Variants in FAN1 observed in about 807,000 individuals in gnomAD.
FAN1 encodes FANCD2 and FANCI associated nuclease 1, also known as fanconi-associated nuclease 1.
Under a neutral mutation model 104.9 loss-of-function variants are expected in FAN1, and 91 were observed. That is an observed-to-expected ratio of 0.87 (90% CI 0.73 to 1.03). The LOEUF (loss-of-function observed/expected upper bound fraction) is 1.03, where lower values mean the gene tolerates loss of function less well. Among genes scored for constraint, FAN1 ranks in the 50% least tolerant of loss-of-function variants. The probability of loss-of-function intolerance (pLI) is 0.00; values close to 1 mark genes in which losing one functional copy is unlikely to be tolerated. For synonymous variants in FAN1, 478 were observed against 457.6 expected, an observed-to-expected ratio of 1.04 and a Z score of -0.57; for missense variants, 1,263 against 1,239.9, an observed-to-expected ratio of 1.02 and a Z score of -0.28.
chr15:30,926,048 A>AGCATCTTCCACT, intron 10 of FAN1, 109 bp downstream of exon 10: 1 of 1,118,096 alleles, frequency 8.9e-7, no homozygotes, highest in Non-Finnish European at 1.3e-6. Context: ...CTCTGCTCAC[A>AGCATCTTCCACT]GTGGAAGATG....
chr15:30,925,753 C>T, intron 9 of FAN1, 36 bp from the exon 10 acceptor site: 2 of 1,611,500 alleles, frequency 1.2e-6, no homozygotes, highest in Non-Finnish European at 1.7e-6. Context: ...TTTTGCTGAC[C>T]TGAGGCTAAT....
chr15:30,928,520 G>GTGTGTA (rs1179568621), intron 10 of FAN1, 33 bp from the exon 11 acceptor site: 1 of 1,608,164 alleles, frequency 6.2e-7, no homozygotes, highest in South Asian at 1.1e-5. Context: ...GTGTGTGTGT[G>GTGTGTA]TGTGTGTGTG....
At chr15:30,936,591 T>C (rs1272229721) in intron 13 of FAN1, among the ~76,000 whole-genome samples, 1 of 152,246 alleles carries the variant, frequency 6.6e-6, no homozygotes, top group East Asian at 1.9e-4. Flanking sequence ...CTTAGCTACA[T>C]ACAGACGCTT....
chr15:30,905,478 G>C lies in FAN1; in HGVS notation c.815G>C (p.Arg272Thr). Reference sequence around the variant, plus strand: ...TTATTCTCACCAGATTTCACTCTTAGGAATACATTAAAGTCTACTTCAGAA... The same window carrying C: ...TTATTCTCACCAGATTTCACTCTTACGAATACATTAAAGTCTACTTCAGAA... ...IMLFSPDFTL[R>T]NTLKSTSEDS... Residue 272 changes from arginine (R) to threonine (T), a missense_variant, in exon 2 of 15, where the codon AGG becomes ACG. Arg to Thr is a moderately conservative substitution (Grantham distance 71). This residue lies in a region of FAN1 where 682 missense variants were observed against 571.1 expected (regional missense o/e 1.19). Transcript: ENST00000362065. 2 of 1,614,070 alleles carry C rather than the reference G, an allele frequency of 1.2e-6. No individual in the cohort carries two copies. The highest frequency in any genetic ancestry group is 1.7e-5 in the Admixed American group (1 of 60,026).
intron 4 of FAN1, 32 bp downstream of exon 4, chr15:30,910,847 T>G: frequency 6.2e-7 from 1 of 1,601,518 alleles, no homozygotes; most frequent in Non-Finnish European, 8.5e-7. Flanking sequence ...GTAAAAACAT[T>G]TAAAATGTTG....
In FAN1 at chr15:30,942,350, C is replaced by T. The variant is rs376766405; in HGVS notation, c.*788C>T. 30 of 480,804 alleles carry T rather than the reference C, an allele frequency of 6.2e-5. No homozygotes were observed. Among genetic ancestry groups the T allele is most frequent in the South Asian group, 2.6e-4 (9 of 34,530 alleles). 29.8% of individuals were successfully genotyped at this position (480,804 alleles called of 1,614,324 possible). On this transcript the variant is annotated 3_prime_UTR_variant, in exon 15 of 15. Transcript: ENST00000362065. ...ATTTGCTTAAGGATAAGTTCTAAGACGGGCTAGAAAAAACACTAGACCTGG... is the reference window on the plus strand; with the variant it reads ...ATTTGCTTAAGGATAAGTTCTAAGATGGGCTAGAAAAAACACTAGACCTGG...
At chr15:30,911,337 T>A in intron 4 of FAN1, 1 of 985,094 alleles carries the variant, frequency 1.0e-6, no homozygotes, top group Non-Finnish European at 1.2e-6. Context: ...ATTTATATAA[T>A]CAAACTATAT....
intron 10 of FAN1, among the ~76,000 whole-genome samples, chr15:30,926,191 T>C (rs1033890193): frequency 6.6e-6 from 1 of 152,248 alleles, no homozygotes; most frequent in African/African-American, 2.4e-5. Context: ...TGGAAGGTAC[T>C]GCACAAGCCT....
chr15:30,941,455 A>G, intron 14 of FAN1, 111 bp from the exon 15 acceptor site: 2 of 1,585,872 alleles, frequency 1.3e-6, no homozygotes, highest in Non-Finnish European at 1.7e-6. Flanking sequence ...CAAAATGTTC[A>G]GAAAACACCC....
At chr15:30,915,311 G>A (rs112464096) in intron 5 of FAN1, among the ~76,000 whole-genome samples, 230 of 152,328 alleles carry the variant, frequency 1.5e-3, no homozygotes, top group African/African-American at 4.8e-3. Context: ...GGGGAAGGGG[G>A]ATAGGGAAAG....
intron 5 of FAN1, 95 bp from the exon 6 acceptor site, chr15:30,918,069 C>A: frequency 7.7e-7 from 1 of 1,293,412 alleles, no homozygotes; most frequent in Non-Finnish European, 1.1e-6. Flanking sequence ...AAAAAACACA[C>A]TTTTACCTTT....
At chr15:30,934,380 T>A (rs1442954424) in intron 13 of FAN1, among the ~76,000 whole-genome samples, 1 of 152,222 alleles carries the variant, frequency 6.6e-6, no homozygotes, top group Non-Finnish European at 1.5e-5. Context: ...TTAACCTCTG[T>A]CTTTTAATGG....
intron 14 of FAN1, chr15:30,941,211 G>GCAGA: frequency 7.2e-7 from 1 of 1,379,968 alleles, no homozygotes. Flanking sequence ...CAAAAATGTA[G>GCAGA]CAGACAACAT....
rs1595900437 is a variant in FAN1 at position 30,940,991 on chromosome 15, C to T, written c.*4-575C>T. ...AAATTCTGGCCCCAGAACACTGAACCTTCATCAGGTGAGTTCAATTAGAGA... is the reference window on the plus strand; with the variant it reads ...AAATTCTGGCCCCAGAACACTGAACTTTCATCAGGTGAGTTCAATTAGAGA... On this transcript the variant is annotated intron_variant, in intron 14 of 14. Transcript: ENST00000362065. 18 of 1,135,376 alleles carry T rather than the reference C, an allele frequency of 1.6e-5. No homozygotes were observed. In the South Asian group the frequency reaches 2.9e-4, roughly 18 times the overall value. 70.3% of individuals were successfully genotyped at this position (1,135,376 alleles called of 1,614,324 possible).
At position 30,922,333 on chromosome 15, in the gene FAN1, G is replaced by C. The variant is rs1018913768; in HGVS notation, c.2151G>C (p.Gln717His). The C allele has an allele frequency of 3.1e-6, 5 of 1,613,000 alleles. No individual in the cohort carries two copies. In the African/African-American group the frequency reaches 6.7e-5, roughly 22 times the overall value. ...WWDRLALNLH[Q>H]HLKRLEPTIK... is the part of the protein sequence containing the mutation. ...ATCGACTGGCCCTTAATTTACACCA[G>C]CACTTGAAGCGCCTGGAACCGGTAC... The change falls in exon 8 of 15, where the codon CAG becomes CAC. Residue 717 changes from glutamine (Q) to histidine (H), a missense_variant. This residue lies in a region of FAN1 where 581 missense variants were observed against 668.8 expected (regional missense o/e 0.87). Transcript: ENST00000362065.
In FAN1 at chr15:30,938,379, A is replaced by G. The variant is rs143125385; in HGVS notation, c.*3+1120A>G. 6.6e-4 allele frequency among the ~76,000 whole-genome samples: 101 copies of G among 152,266 alleles called. 1 individual carries two copies. In the Middle Eastern group the frequency reaches 0.01, roughly 15 times the overall value. ...TTTAGGAATCAAAACATTCTCATGA[A>G]GTTGTGTTGATTTATAACATGTAAA... is the stretch of plus-strand genomic sequence containing the variant. On this transcript the variant is annotated intron_variant, in intron 14 of 14. Coordinates refer to ENST00000362065, the MANE Select transcript of FAN1 (RefSeq NM_014967.5).
At chr15:30,924,953 G>A in intron 8 of FAN1, 174 bp from the exon 9 acceptor site, 1 of 625,606 alleles carries the variant, frequency 1.6e-6, no homozygotes, top group Non-Finnish European at 2.6e-6. Context: ...CAGATGCATT[G>A]AAATCCTCAG....
intron 7 of FAN1, among the ~76,000 whole-genome samples, chr15:30,920,911 G>C (rs2062314827): frequency 2.0e-5 from 3 of 152,206 alleles, no homozygotes; most frequent in Non-Finnish European, 4.4e-5. Context: ...AGCCTCCTGA[G>C]TAGCTGGGAC....
In FAN1 at chr15:30,905,627, A is replaced by G; in HGVS notation, c.964A>G (p.Lys322Glu). Residue 322 changes from lysine (K) to glutamate (E), a missense_variant, in exon 2 of 15, where the codon AAA becomes GAA. Transcript: ENST00000362065. Reference sequence around the variant, plus strand: ...AATACAGCTGTCAGATTCAGAGGCAAAATCTCATAGTTCTGCAGATGATGC... The same window carrying G: ...AATACAGCTGTCAGATTCAGAGGCAGAATCTCATAGTTCTGCAGATGATGC... ...AKIQLSDSEA[K>E]SHSSADDASA... 6.2e-7 allele frequency: 1 copy of G among 1,614,116 alleles called. No homozygotes were observed. The highest frequency in any genetic ancestry group is 8.5e-7 in the Non-Finnish European group (1 of 1,179,972).
Sources: allele counts gnomAD v4.1 joint callset (sites outside exome capture counted in the v4.1 genomes callset), GRCh38; gene constraint gnomAD v4.1.1; regional missense constraint gnomAD v4.1.1; transcripts MANE v1.5; gene names NCBI Gene and HGNC (gene_info 2026-07-23, HGNC 2026-07-21).